Variants in CAPS2 observed in about 807,000 individuals in gnomAD.
CAPS2 encodes calcyphosine 2, also known as calcyphosin-2.
A neutral mutation model predicts 86.5 loss-of-function variants in CAPS2; 98 were observed. The ratio of observed to expected loss-of-function variants is 1.13; its 90% CI spans 0.96 to 1.34. The LOEUF is 1.34. CAPS2 is among the 40% of genes most tolerant of loss of function. The pLI is 0.00. For missense variants in CAPS2, 729 were observed against 686.8 expected (o/e 1.06, Z -0.69); for synonymous variants, 210 against 225.1 (o/e 0.93, Z 0.60).
chr12:75,296,364 T>A (rs2036875750), intron 11 of CAPS2, among the ~76,000 whole-genome samples: 1 of 151,800 alleles, frequency 6.6e-6, no homozygotes, highest in African/African-American at 2.4e-5. Context: ...CAATCTCAGC[T>A]CACTGCAAGC....
chr12:75,313,665 A>G (rs993732454), intron 6 of CAPS2, among the ~76,000 whole-genome samples: 1 of 152,214 alleles, frequency 6.6e-6, no homozygotes, highest in Non-Finnish European at 1.5e-5. Flanking sequence ...AAGAGGTTAA[A>G]AAATTAAGAG....
chr12:75,374,453 T>C (rs2044544160), intron 1 of CAPS2, among the ~76,000 whole-genome samples: 3 of 152,260 alleles, frequency 2.0e-5, no homozygotes, highest in South Asian at 2.1e-4. Context: ...ACAGGCCCCA[T>C]AGCACTGGAC....
intron 1 of CAPS2, among the ~76,000 whole-genome samples, chr12:75,366,199 T>A (rs1566010550): frequency 6.6e-6 from 1 of 152,148 alleles, no homozygotes; most frequent in Admixed American, 6.6e-5. Context: ...CCACAATCCA[T>A]AACAAAATAC....
intron 1 of CAPS2, among the ~76,000 whole-genome samples, chr12:75,359,312 T>G (rs1284337700): frequency 6.8e-6 from 1 of 146,554 alleles, no homozygotes; most frequent in Admixed American, 6.8e-5. Flanking sequence ...TAGCGACATA[T>G]ATGTTGTTCA....
intron 6 of CAPS2, 139 bp downstream of exon 6, chr12:75,316,173 G>A: frequency 1.0e-6 from 1 of 1,002,268 alleles, no homozygotes. Flanking sequence ...TAAAAATGAG[G>A]ACTCAATTTT....
intron 14 of CAPS2, among the ~76,000 whole-genome samples, chr12:75,289,271 C>T (rs2035436339): frequency 6.6e-6 from 1 of 152,124 alleles, no homozygotes; most frequent in African/African-American, 2.4e-5. Context: ...TCTCCTTCCC[C>T]ACAACCTGTC....
chr12:75,289,847 A>T, intron 13 of CAPS2, 72 bp from the exon 14 acceptor site: 1 of 1,112,056 alleles, frequency 9.0e-7, no homozygotes, highest in Admixed American at 2.3e-5. Context: ...GTTATCTTTC[A>T]TAAGAAAATT....
rs1419519331 is a variant in CAPS2, at chr12:75,363,103, G to A, written c.-395+27735C>T. On this transcript the variant is annotated intron_variant, in intron 1 of 5. Coordinates refer to the CAPS2 transcript ENST00000551829. ...AATCAATGTTTCTCTTTTTTACAGAGGAAATTTTGCAAATATGCCTCCTTA... is the reference window on the plus strand; with the variant it reads ...AATCAATGTTTCTCTTTTTTACAGAAGAAATTTTGCAAATATGCCTCCTTA... 19 of 1,530,052 alleles carry A rather than the reference G, an allele frequency of 1.2e-5. No individual in the cohort carries two copies. Among genetic ancestry groups the A allele is most frequent in the Non-Finnish European group, 1.7e-5 (19 of 1,137,082 alleles). 94.8% of individuals were successfully genotyped at this position (1,530,052 alleles called of 1,614,324 possible).
intron 1 of CAPS2, among the ~76,000 whole-genome samples, chr12:75,379,142 G>A (rs1381732219): frequency 6.6e-6 from 1 of 152,026 alleles, no homozygotes; most frequent in Non-Finnish European, 1.5e-5. Context: ...TCATTCAAGA[G>A]CATATGATTT....
chr12:75,361,588 C>G (rs2043595266), intron 1 of CAPS2, among the ~76,000 whole-genome samples: 1 of 152,184 alleles, frequency 6.6e-6, no homozygotes, highest in South Asian at 2.1e-4. Flanking sequence ...GTAATTGACT[C>G]ATGGTTCCAC....
At chr12:75,339,869 A>G (rs1269495506) in intron 1 of CAPS2, among the ~76,000 whole-genome samples, 5 of 152,056 alleles carry the variant, frequency 3.3e-5, no homozygotes, top group Admixed American at 1.3e-4. Context: ...TGGTGCACCC[A>G]TCGCCCAAGC....
intron 6 of CAPS2, among the ~76,000 whole-genome samples, chr12:75,314,645 G>C (rs1270049122): frequency 6.6e-6 from 1 of 152,064 alleles, no homozygotes; most frequent in Non-Finnish European, 1.5e-5. Context: ...ATATCTAAGA[G>C]TGATTCATAA....
In CAPS2 at chr12:75,369,495, G is replaced by T. The variant is rs985335712; in HGVS notation, c.-395+21343C>A. ...TAAGTAGATTATTTCCTAATGAAGT[G>T]CTGGATGCTATTAGAATGGTAAACT... On this transcript the variant is annotated intron_variant, in intron 1 of 5. Transcript: ENST00000551829. The T allele has an allele frequency of 1.4e-5, 14 of 973,746 alleles. No individual in the cohort carries two copies. In the Admixed American group the frequency reaches 1.9e-4, roughly 13 times the overall value. 60.3% of individuals were successfully genotyped at this position (973,746 alleles called of 1,614,324 possible).
chr12:75,327,755 A>G (rs953910742), upstream of CAPS2, among the ~76,000 whole-genome samples: 2 of 150,912 alleles, frequency 1.3e-5, no homozygotes, highest in Non-Finnish European at 3.0e-5. Context: ...CTGGTGGAAT[A>G]ATGTAACATT....
At chr12:75,291,915 A>G (rs753946934) in intron 12 of CAPS2, 95 bp from the exon 13 acceptor site, 15 of 440,812 alleles carry the variant, frequency 3.4e-5, no homozygotes, top group Non-Finnish European at 5.4e-5. Flanking sequence ...CTCCAGACTC[A>G]AAGAAGCTCT....
chr12:75,291,384 T>C (rs2035821618), intron 13 of CAPS2, among the ~76,000 whole-genome samples: 2 of 148,364 alleles, frequency 1.3e-5, no homozygotes, highest in African/African-American at 5.0e-5. Context: ...ATCTAGTAAT[T>C]TCTAAAACAC....
upstream of CAPS2, among the ~76,000 whole-genome samples, chr12:75,331,640 T>A (rs1023753352): frequency 1.9e-3 from 285 of 151,376 alleles, no homozygotes; most frequent in Non-Finnish European, 2.9e-3. Flanking sequence ...CTCGGCTCAC[T>A]GCAAGCTCCG....
chr12:75,316,662 A>T (rs1489854020), intron 5 of CAPS2, among the ~76,000 whole-genome samples: 1 of 152,148 alleles, frequency 6.6e-6, no homozygotes, highest in Admixed American at 6.6e-5. Context: ...GCGAATTAAT[A>T]ATAGGAACTA....
At chr12:75,277,556 T>C in exon 17 of CAPS2, 4 of 944,730 alleles carry the variant, frequency 4.2e-6, no homozygotes, top group African/African-American at 1.8e-5. Context: ...CCAGTGAAAA[T>C]AGCACTAGAG....
Sources: allele counts gnomAD v4.1 joint callset (sites outside exome capture counted in the v4.1 genomes callset), GRCh38; gene constraint gnomAD v4.1.1; transcripts MANE v1.5; gene names NCBI Gene and HGNC (gene_info 2026-07-23, HGNC 2026-07-21).